Variants in LRRC7 observed in about 807,000 individuals in gnomAD.
LRRC7 encodes leucine rich repeat containing 7.
A neutral mutation model predicts 175.7 loss-of-function variants in LRRC7; 23 were observed. That is an observed-to-expected ratio of 0.13 (90% CI 0.09 to 0.19). LRRC7 has a LOEUF of 0.19. Among genes scored for constraint, LRRC7 ranks in the 10% least tolerant of loss-of-function variants. The pLI is 1.00. For synonymous variants in LRRC7, 685 were observed against 680.9 expected (o/e 1.01, Z -0.09); for missense variants, 1,354 against 1,904.7 (o/e 0.71, Z 5.38).
chr1:70,050,953 C>T (rs1300438717), intron 22 of LRRC7, among the ~76,000 whole-genome samples: 3 of 151,920 alleles, frequency 2.0e-5, no homozygotes, highest in Non-Finnish European at 4.4e-5. Flanking sequence ...AATTTTGCTA[C>T]CTAGTGAAAG....
chr1:69,582,620 A>C (rs1646245653), intron 1 of LRRC7, among the ~76,000 whole-genome samples: 1 of 152,232 alleles, frequency 6.6e-6, no homozygotes, highest in Non-Finnish European at 1.5e-5. Context: ...TAAGTGGCTC[A>C]GTGATGCCAT....
chr1:69,669,008 T>G (rs908640025), intron 1 of LRRC7, among the ~76,000 whole-genome samples: 1 of 152,138 alleles, frequency 6.6e-6, no homozygotes, highest in African/African-American at 2.4e-5. Flanking sequence ...TTGTAATTTT[T>G]ATTTATATCT....
intron 23 of LRRC7, among the ~76,000 whole-genome samples, chr1:70,062,550 T>C (rs1571214534): frequency 6.6e-6 from 1 of 152,100 alleles, no homozygotes; most frequent in African/African-American, 2.4e-5. Context: ...AAGATAGAGA[T>C]GGTATATACA....
chr1:69,615,586 G>A (rs540034175), intron 1 of LRRC7, among the ~76,000 whole-genome samples: 52 of 152,086 alleles, frequency 3.4e-4, no homozygotes, highest in Non-Finnish European at 3.4e-4. Flanking sequence ...TTAAGCCACC[G>A]TAAGTGGATT....
At chr1:69,825,634 G>T (rs1679818846) in intron 4 of LRRC7, 114 bp from the exon 5 acceptor site, 3 of 503,006 alleles carry the variant, frequency 6.0e-6, no homozygotes, top group Non-Finnish European at 1.0e-5. Context: ...ATCCTAAATG[G>T]TGTTTACATC....
chr1:69,753,071 G>T (rs1670014011), intron 2 of LRRC7, among the ~76,000 whole-genome samples: 1 of 151,982 alleles, frequency 6.6e-6, no homozygotes, highest in Non-Finnish European at 1.5e-5. Context: ...GGAAAATGTG[G>T]ATATGTACTT....
chr1:70,047,370 A>G (rs1235291715), intron 22 of LRRC7, among the ~76,000 whole-genome samples: 2 of 152,120 alleles, frequency 1.3e-5, no homozygotes, highest in African/African-American at 4.8e-5. Flanking sequence ...GAGTTGTAGT[A>G]TCCATTTGTG....
intron 4 of LRRC7, among the ~76,000 whole-genome samples, chr1:69,808,115 A>G (rs1677355346): frequency 6.6e-6 from 1 of 151,518 alleles, no homozygotes; most frequent in Non-Finnish European, 1.5e-5. Flanking sequence ...TGTATGCTTC[A>G]CAGAGTTCTC....
intron 1 of LRRC7, among the ~76,000 whole-genome samples, chr1:69,675,663 T>A (rs1304261197): frequency 6.6e-6 from 1 of 152,126 alleles, no homozygotes; most frequent in African/African-American, 2.4e-5. Flanking sequence ...CCGAAACACA[T>A]AATCAAAATT....
intron 7 of LRRC7, among the ~76,000 whole-genome samples, chr1:69,857,547 T>C (rs1442546742): frequency 3.3e-5 from 5 of 151,614 alleles, no homozygotes; most frequent in African/African-American, 1.2e-4. Context: ...GGAATCCAGC[T>C]TACAAGGGAT....
chr1:69,953,897 T>C (rs1650215378), intron 8 of LRRC7, among the ~76,000 whole-genome samples: 1 of 152,092 alleles, frequency 6.6e-6, no homozygotes, highest in African/African-American at 2.4e-5. Context: ...TCAAATTCTC[T>C]AGATGATTCT....
At chr1:69,884,529 GT>G (rs1686967791) in intron 7 of LRRC7, among the ~76,000 whole-genome samples, 1 of 135,834 alleles carries the variant, frequency 7.4e-6, no homozygotes, top group Non-Finnish European at 1.5e-5. Context: ...AGACAATGGG[GT>G]TTTCTAGATA....
Position 69,914,948 on chromosome 1 carries a change from T to G in LRRC7, c.648-16559T>G, listed in dbSNP as rs138129412. Among the ~76,000 whole-genome samples, 1,229 of 152,242 alleles carry G rather than the reference T, an allele frequency of 8.1e-3. 15 individuals are homozygous for G. The highest frequency in any genetic ancestry group is 0.027 in the African/African-American group (1,125 of 41,544). The stretch of plus-strand genomic sequence containing the variant: ...AGAATATAGTGAACTGTAGAGCACA[T>G]ATTTTTCATAAAAACATTCATATTT... On this transcript the variant is annotated intron_variant, in intron 7 of 26. Coordinates refer to ENST00000651989, the MANE Select transcript of LRRC7 (RefSeq NM_001370785.2).
intron 8 of LRRC7, among the ~76,000 whole-genome samples, chr1:69,931,878 G>C (rs915985718): frequency 6.6e-6 from 1 of 152,098 alleles, no homozygotes. Flanking sequence ...AACTTAAAAT[G>C]GTCACTGTCA....
chr1:69,774,284 T>G (rs1286910262), intron 3 of LRRC7, among the ~76,000 whole-genome samples: 1 of 152,254 alleles, frequency 6.6e-6, no homozygotes, highest in Non-Finnish European at 1.5e-5. Flanking sequence ...ATTTATCCGA[T>G]GTGCTTTACA....
chr1:70,011,739 TCAAAACA>T, intron 11 of LRRC7, 51 bp from the exon 12 acceptor site: 1 of 1,280,892 alleles, frequency 7.8e-7, no homozygotes, highest in African/African-American at 1.5e-5. Flanking sequence ...TGTGGCTTTT[TCAAAACA>T]TTTTGCTATC....
intron 24 of LRRC7, among the ~76,000 whole-genome samples, chr1:70,085,168 C>T (rs934585625): frequency 2.0e-5 from 3 of 152,120 alleles, no homozygotes; most frequent in African/African-American, 7.2e-5. Flanking sequence ...ATATCAATCT[C>T]TTATATCATC....
At chr1:69,764,774 T>TAGACAGAC (rs1228933946) in intron 3 of LRRC7, among the ~76,000 whole-genome samples, 1 of 144,606 alleles carries the variant, frequency 6.9e-6, no homozygotes, top group Non-Finnish European at 1.5e-5. Flanking sequence ...GATAGATAGA[T>TAGACAGAC]AGATAGACAG....
chr1:69,571,134 C>T (rs1278688887), intron 1 of LRRC7, among the ~76,000 whole-genome samples: 1 of 152,174 alleles, frequency 6.6e-6, no homozygotes, highest in Admixed American at 6.5e-5. Context: ...GTTCTTTATA[C>T]ATTTTTAAGA....
Sources: gnomAD v4.1 joint callset for allele counts (sites outside exome capture counted in the v4.1 genomes callset) on GRCh38, gnomAD v4.1.1 for gene constraint, MANE v1.5 for transcripts, NCBI Gene and HGNC (gene_info 2026-07-23, HGNC 2026-07-21) for gene names.